Variants in TPCN2 observed in about 807,000 individuals in gnomAD.
The protein encoded by TPCN2 is two pore segment channel 2, also known as two pore channel protein 2.
In TPCN2, 92 loss-of-function variants were observed where a neutral mutation model predicts 111.4. The observed-to-expected ratio is 0.83, with a 90% CI of 0.70 to 0.98. The LOEUF is 0.98. Ranked by LOEUF, TPCN2 falls within the 50% of genes least tolerant of loss-of-function variation. TPCN2 has a pLI of 0.00. For missense variants in TPCN2, 995 were observed against 980.1 expected (o/e 1.02, Z -0.20); for synonymous variants, 405 against 414.5 (o/e 0.98, Z 0.28).
At chr11:69,073,949 A>C (rs1035481391) in intron 13 of TPCN2, among the ~76,000 whole-genome samples, 1 of 150,428 alleles carries the variant, frequency 6.6e-6, no homozygotes, top group Admixed American at 6.7e-5. Context: ...TCCTCCTCTT[A>C]TAAGGACCCT....
At chr11:69,057,457 C>T (rs1441027120) in intron 4 of TPCN2, 121 bp from the exon 5 acceptor site, 3 of 922,624 alleles carry the variant, frequency 3.3e-6, no homozygotes, top group Admixed American at 1.8e-5. Context: ...GTGGGGACCA[C>T]ACTGTTGTGG....
At position 69,078,390 on chromosome 11, in the gene TPCN2, C is replaced by T; in HGVS notation, c.1231-92C>T. On this transcript the variant is annotated intron_variant, in intron 13 of 24. Coordinates refer to ENST00000294309, the MANE Select transcript of TPCN2 (RefSeq NM_139075.4). Reference sequence around the variant, plus strand: ...GACGGGAGATGGGGTAGGAAAAAATCAAATCCCAGAATAAGAGGGTGTGAG... The same window carrying T: ...GACGGGAGATGGGGTAGGAAAAAATTAAATCCCAGAATAAGAGGGTGTGAG... 9 of 1,528,740 alleles carry T rather than the reference C, an allele frequency of 5.9e-6. No homozygotes were observed. The South Asian group carries it at 1.1e-4, about 19-fold the overall frequency. The allele number at this position is 1,528,740 out of a possible 1,614,324, so 94.7% of individuals were successfully genotyped here.
At chr11:69,078,666 C>T in intron 14 of TPCN2, 65 bp downstream of exon 14, 1 of 1,613,176 alleles carries the variant, frequency 6.2e-7, no homozygotes, top group East Asian at 2.2e-5. Context: ...TGCAGGGGAG[C>T]CTGCCCCTCC....
intron 1 of TPCN2, 32 bp downstream of exon 1, chr11:69,049,138 C>A: frequency 1.7e-6 from 2 of 1,197,342 alleles, no homozygotes; most frequent in Non-Finnish European, 1.1e-6. Flanking sequence ...AGGGGACTGG[C>A]CCGGGAGACC....
Position 69,054,071 on chromosome 11 carries a change from G to A in TPCN2, c.148G>A (p.Val50Met). Residue 50 changes from valine (V) to methionine (M), a missense_variant, in exon 2 of 25, where the codon GTG becomes ATG. Val to Met is a conservative substitution (Grantham distance 21). Coordinates refer to ENST00000294309, the MANE Select transcript of TPCN2 (RefSeq NM_139075.4). Reference protein sequence around the residue: ...ARWDLCIDQAVVFIEDAIQYR... With the variant: ...ARWDLCIDQAMVFIEDAIQYR... ...GTGGGACCTCTGCATTGATCAGGCT[G>A]TGGTCTTCATCGAAGATGCTATTCA... 2 of 1,613,832 alleles carry A rather than the reference G, an allele frequency of 1.2e-6. No homozygotes were observed. The highest frequency in any genetic ancestry group is 1.7e-6 in the Non-Finnish European group (2 of 1,180,002).
At chr11:69,059,854 A>C (rs1268715593) in intron 5 of TPCN2, among the ~76,000 whole-genome samples, 1 of 152,180 alleles carries the variant, frequency 6.6e-6, no homozygotes, top group Non-Finnish European at 1.5e-5. Flanking sequence ...TCGGGCTGGT[A>C]CCTGGCCCTG....
intron 20 of TPCN2, 68 bp from the exon 21 acceptor site, chr11:69,085,603 G>A (rs1184209492): frequency 1.9e-6 from 2 of 1,039,320 alleles, no homozygotes; most frequent in East Asian, 2.4e-5. Flanking sequence ...CAGAGGAAAG[G>A]GGTGTAAGGT....
In TPCN2 at chr11:69,090,394, G is replaced by A. The variant is rs1416888310; in HGVS notation, c.*2441G>A. 6.6e-6 allele frequency: 1 copy of A among 152,154 alleles called. No homozygotes were observed. The highest frequency in any genetic ancestry group is 1.5e-5 in the Non-Finnish European group (1 of 68,056). The allele number at this position is 152,154 out of a possible 1,614,324, so 9.4% of individuals were successfully genotyped here. A position where few individuals can be genotyped will look rare whatever the true frequency, so the allele number is the denominator to read the frequency against. The stretch of plus-strand genomic sequence containing the variant: ...ACTGCCACCCACTCCCCACAGAGAT[G>A]CCCTGCTCATCCGACTGGGGCTTTG... On this transcript the variant is annotated 3_prime_UTR_variant, in exon 25 of 25. Coordinates refer to ENST00000294309, the MANE Select transcript of TPCN2 (RefSeq NM_139075.4).
rs769644750 is a variant in TPCN2, at chr11:69,086,541, T to C, written c.2022T>C (p.Phe674=). The C allele has an allele frequency of 6.2e-7, 1 of 1,614,186 alleles. No individual in the cohort carries two copies. Among genetic ancestry groups the C allele is most frequent in the Admixed American group, 1.7e-5 (1 of 60,030 alleles). The change falls in exon 23 of 25, where the codon TTT becomes TTC. Residue 674 remains phenylalanine (F), a synonymous_variant. Transcript: ENST00000294309. ...TCCGCAGGTGGTCCAAGATCTATTT[T>C]GTATTGTGGTGGCTGGTGTCGTCTG... ...RYSGPWSKIY[F]VLWWLVSSVI...
chr11:69,049,779 G>GA, intron 1 of TPCN2, among the ~76,000 whole-genome samples: 1 of 152,154 alleles, frequency 6.6e-6, no homozygotes, highest in African/African-American at 2.4e-5. Flanking sequence ...GTCCTGGTCT[G>GA]AAGATTGCTG....
chr11:69,062,298 T>C (rs138316212), intron 5 of TPCN2, among the ~76,000 whole-genome samples: 164 of 152,228 alleles, frequency 1.1e-3, no homozygotes, highest in Non-Finnish European at 1.9e-3. Flanking sequence ...GGAGTCAGAT[T>C]CAACGTGAGA....
At chr11:69,060,427 GC>G (rs1854969783) in intron 5 of TPCN2, among the ~76,000 whole-genome samples, 2 of 152,340 alleles carry the variant, frequency 1.3e-5, no homozygotes, top group Admixed American at 1.3e-4. Flanking sequence ...AGGACTGGGT[GC>G]CCTCCAGCCT....
rs538035306 is a variant in TPCN2 at position 69,072,714 on chromosome 11, C to T, written c.1143+6C>T. The T allele has an allele frequency of 1.9e-5, 30 of 1,613,596 alleles. 1 individual carries two copies. The highest frequency in any genetic ancestry group is 1.8e-4 in the East Asian group (8 of 44,858). ...ACAAACAGGCCATGATGGAGGTACC[C>T]GCCCCCTGCTCCCAGCCTCCTCTGG... On this transcript the variant is annotated splice_donor_region_variant and intron_variant, in intron 12 of 24. Transcript: ENST00000294309.
intron 4 of TPCN2, among the ~76,000 whole-genome samples, chr11:69,056,423 G>C (rs753963667): frequency 1.2e-4 from 18 of 152,236 alleles, no homozygotes; most frequent in Non-Finnish European, 2.4e-4. Context: ...ACTGAAACTG[G>C]CAAGAGGTTG....
rs1044932703 is a variant in TPCN2 at position 69,086,680 on chromosome 11, C to T, written c.2085+76C>T. 106 of 1,428,144 alleles carry T rather than the reference C, an allele frequency of 7.4e-5. 1 individual carries two copies. The highest frequency in any genetic ancestry group is 1.9e-4 in the Middle Eastern group (1 of 5,240). The allele number at this position is 1,428,144 out of a possible 1,614,324, so 88.5% of individuals were successfully genotyped here. ...TCACTCTCGATGGGCCTGAGGCCAC[C>T]GGCCGGGCCTGCCTGGAACTTTGAT... is the stretch of plus-strand genomic sequence containing the variant. On this transcript the variant is annotated intron_variant, in intron 23 of 24. Coordinates refer to ENST00000294309, the MANE Select transcript of TPCN2 (RefSeq NM_139075.4).
intron 2 of TPCN2, 68 bp downstream of exon 2, chr11:69,054,165 AG>A (rs2134516685): frequency 2.2e-6 from 3 of 1,359,212 alleles, no homozygotes; most frequent in East Asian, 2.3e-5. Context: ...TCGCCCCTCC[AG>A]GGGCGACTGA....
In TPCN2 at chr11:69,088,319, C is replaced by A. The variant is rs1016439667; in HGVS notation, c.*366C>A. 1.2e-5 allele frequency: 3 copies of A among 249,082 alleles called. No individual in the cohort carries two copies. Among genetic ancestry groups the A allele is most frequent in the Middle Eastern group, 1.4e-3 (1 of 728 alleles). The allele number at this position is 249,082 out of a possible 1,614,324, so 15.4% of individuals were successfully genotyped here. A position where few individuals can be genotyped will look rare whatever the true frequency, so the allele number is the denominator to read the frequency against. ...CCGGCAGCCCTTGGGGACCACAGGC[C>A]TGACCAGGGCCTGCACAGGTTAACC... On this transcript the variant is annotated 3_prime_UTR_variant, in exon 25 of 25. Coordinates refer to ENST00000294309, the MANE Select transcript of TPCN2 (RefSeq NM_139075.4).
At position 69,085,753 on chromosome 11, in the gene TPCN2, G is replaced by A; in HGVS notation, c.1920+1G>A. On this transcript the variant is annotated splice_donor_variant, in intron 21 of 24. Transcript: ENST00000294309. LOFTEE classifies it high-confidence loss of function. Reference sequence around the variant, plus strand: ...GGCCAACAACTTCGATGACTTTGCGGTGAGCCCTGCGCCCTGTCCCAGCAC... The same window carrying A: ...GGCCAACAACTTCGATGACTTTGCGATGAGCCCTGCGCCCTGTCCCAGCAC... 6.2e-7 allele frequency: 1 copy of A among 1,614,010 alleles called. No homozygotes were observed. Among genetic ancestry groups the A allele is most frequent in the Non-Finnish European group, 8.5e-7 (1 of 1,179,914 alleles).
At chr11:69,058,455 G>A (rs111661437) in intron 5 of TPCN2, among the ~76,000 whole-genome samples, 82 of 152,304 alleles carry the variant, frequency 5.4e-4, no homozygotes, top group African/African-American at 1.9e-3. Context: ...CTGTCCTCTG[G>A]GAGGGGGTGC....
Sources: gnomAD v4.1 joint callset for allele counts (sites outside exome capture counted in the v4.1 genomes callset) on GRCh38, gnomAD v4.1.1 for gene constraint, MANE v1.5 for transcripts, NCBI Gene and HGNC (gene_info 2026-07-23, HGNC 2026-07-21) for gene names.